The following KPNA7 variants were observed in gnomAD, a reference collection of about 807,000 sequenced individuals.
KPNA7 encodes the protein importin subunit alpha-8.
In KPNA7, 54 loss-of-function variants were observed where a neutral mutation model predicts 53.7. The observed-to-expected ratio is 1.01, with a 90% CI of 0.81 to 1.26. KPNA7 has a LOEUF of 1.26. Ranked by LOEUF, KPNA7 falls within the 50% of genes most tolerant of loss-of-function variation. The probability of loss-of-function intolerance (pLI) is 0.00; values close to 1 mark genes in which losing one functional copy is unlikely to be tolerated. For synonymous variants in KPNA7, 276 were observed against 259.3 expected, an observed-to-expected ratio of 1.06 and a Z score of -0.62; for missense variants, 640 against 644.5, an observed-to-expected ratio of 0.99 and a Z score of 0.07.
chr7:99,212,239 T>A (rs1791094565), upstream of KPNA7, among the ~76,000 whole-genome samples: 2 of 130,684 alleles, frequency 1.5e-5, no homozygotes, highest in Non-Finnish European at 3.3e-5. Context: ...TGTCCTTTTT[T>A]TTTTTTTTTT....
chr7:99,193,331 C>A (rs1208910680), intron 5 of KPNA7, among the ~76,000 whole-genome samples: 3 of 152,148 alleles, frequency 2.0e-5, no homozygotes, highest in Non-Finnish European at 4.4e-5. Context: ...AGAAGCAGAG[C>A]CAGCCAACTC....
chr7:99,186,045 G>C (rs569796447), intron 7 of KPNA7, among the ~76,000 whole-genome samples: 3 of 152,170 alleles, frequency 2.0e-5, no homozygotes, highest in East Asian at 1.9e-4. Context: ...TGCCTACCTC[G>C]GCCTCCCAAA....
the KPNA7 span, among the ~76,000 whole-genome samples, chr7:99,164,380 T>C: frequency 5.0e-4 from 76 of 151,616 alleles, no homozygotes; most frequent in African/African-American, 1.6e-3. Flanking sequence ...CAGCAAACTA[T>C]GGCAAGGACA....
chr7:99,217,619 C>CTTTTTTTTT lies in KPNA7; in HGVS notation c.-23-10139_-23-10131dup, dbSNP rs10616354. On this transcript the variant is annotated intron_variant, in intron 1 of 10. Coordinates refer to the KPNA7 transcript ENST00000681060. ...CCCAGGAACGGGGACTCCACCTTGC[C>CTTTTTTTTT]TTTTTTTTTTTTTTTTTTTTTTTTT... 3.5e-4 allele frequency among the ~76,000 whole-genome samples: 14 copies of CTTTTTTTTT among 39,850 alleles called. 2 individuals are homozygous for CTTTTTTTTT. Among genetic ancestry groups the CTTTTTTTTT allele is most frequent in the African/African-American group, 1.5e-3 (14 of 9,138 alleles). The allele number at this position is 39,850 out of a possible 152,430, so 26.1% of individuals were successfully genotyped here. A position where few individuals can be genotyped will look rare whatever the true frequency, so the allele number is the denominator to read the frequency against.
intron 7 of KPNA7, among the ~76,000 whole-genome samples, chr7:99,187,597 A>G (rs1012347291): frequency 7.5e-6 from 1 of 133,466 alleles, no homozygotes; most frequent in South Asian, 2.5e-4. Context: ...ACTGTCACCC[A>G]GGCTGGAGAG....
chr7:99,192,773 G>T (rs563042091), intron 6 of KPNA7, among the ~76,000 whole-genome samples: 1 of 152,002 alleles, frequency 6.6e-6, no homozygotes, highest in Non-Finnish European at 1.5e-5. Context: ...ATTGGATTTG[G>T]AAGTATGTCC....
intron 3 of KPNA7, among the ~76,000 whole-genome samples, chr7:99,196,464 A>G (rs1011382021): frequency 6.6e-6 from 1 of 152,198 alleles, no homozygotes; most frequent in Non-Finnish European, 1.5e-5. Context: ...GACTAAGGAC[A>G]TCCAAAAAAT....
intron 2 of KPNA7, among the ~76,000 whole-genome samples, chr7:99,205,683 C>G (rs951781630): frequency 3.9e-5 from 6 of 152,154 alleles, no homozygotes; most frequent in African/African-American, 1.4e-4. Flanking sequence ...AACCCTGTCT[C>G]CACTAAAAAT....
At chr7:99,206,705 C>T (rs1170976491) in intron 2 of KPNA7, among the ~76,000 whole-genome samples, 4 of 152,064 alleles carry the variant, frequency 2.6e-5, no homozygotes, top group East Asian at 3.9e-4. Context: ...TATCTTCAAG[C>T]GATCCTCCCA....
rs1288268853 is a variant in KPNA7, at chr7:99,217,571, G to A, written c.-23-10082C>T. ...AGGTAAAGTGTCCAGGGACAGGAGA[G>A]GACAGCCAGGGAGGAGAAAAGGCCC... On this transcript the variant is annotated intron_variant, in intron 1 of 10. Transcript: ENST00000681060. Among the ~76,000 whole-genome samples the A allele has an allele frequency of 3.3e-5, 5 of 150,554 alleles. No individual in the cohort carries two copies. In the South Asian group the frequency reaches 1.0e-3, roughly 32 times the overall value.
intron 1 of KPNA7, among the ~76,000 whole-genome samples, chr7:99,216,893 G>A (rs927095881): frequency 2.6e-5 from 4 of 152,202 alleles, no homozygotes; most frequent in African/African-American, 9.6e-5. Flanking sequence ...TCTGAGTAAG[G>A]GACCATTATG....
intron 4 of KPNA7, among the ~76,000 whole-genome samples, chr7:99,195,877 A>G: frequency 6.6e-6 from 1 of 152,218 alleles, no homozygotes; most frequent in Non-Finnish European, 1.5e-5. Flanking sequence ...TAAGCAATTC[A>G]TCTCTGACAA....
In KPNA7 at chr7:99,185,061, C is replaced by T; in HGVS notation, c.1002G>A (p.Leu334=). The T allele has an allele frequency of 6.4e-7, 1 of 1,551,936 alleles. No individual in the cohort carries two copies. The change falls in exon 8 of 11, where the codon CTG becomes CTA. Residue 334 remains leucine, a synonymous_variant. Transcript: ENST00000327442. Reference sequence around the variant, plus strand: ...TCTGGATGGAGGGCTTGTTGTGTTGCAGGAGCTGGGGGAGCACGTTCAGCA... The same window carrying T: ...TCTGGATGGAGGGCTTGTTGTGTTGTAGGAGCTGGGGGAGCACGTTCAGCA... ...AGMLNVLPQL[L]QHNKPSIQKE... is the part of the protein sequence containing the mutation.
intron 7 of KPNA7, among the ~76,000 whole-genome samples, chr7:99,186,164 GATA>G (rs1258146546): frequency 6.6e-6 from 1 of 152,144 alleles, no homozygotes; most frequent in Non-Finnish European, 1.5e-5. Flanking sequence ...TTTAATTGGA[GATA>G]ATGAGATCTC....
At chr7:99,199,794 G>C (rs1013740979) in intron 3 of KPNA7, among the ~76,000 whole-genome samples, 1 of 151,904 alleles carries the variant, frequency 6.6e-6, no homozygotes, top group Non-Finnish European at 1.5e-5. Context: ...AAAGTGAAAA[G>C]ACAACCCACA....
intron 4 of KPNA7, 76 bp downstream of exon 4, chr7:99,196,008 C>G: frequency 8.2e-7 from 1 of 1,222,792 alleles, no homozygotes; most frequent in Non-Finnish European, 1.2e-6. Flanking sequence ...ACCAAATAGG[C>G]CACCGGCGCT....
intron 9 of KPNA7, among the ~76,000 whole-genome samples, chr7:99,179,432 T>C (rs1172048075): frequency 6.6e-6 from 1 of 151,968 alleles, no homozygotes; most frequent in Non-Finnish European, 1.5e-5. Context: ...AGCACAAGCC[T>C]GTAATCCCAT....
chr7:99,172,206 T>C (rs1798782789), downstream of KPNA7, among the ~76,000 whole-genome samples: 1 of 152,180 alleles, frequency 6.6e-6, no homozygotes, highest in Non-Finnish European at 1.5e-5. Flanking sequence ...TCGAACATCG[T>C]CTTTAGATGT....
chr7:99,151,421 A>G, the KPNA7 span, among the ~76,000 whole-genome samples: 1 of 151,782 alleles, frequency 6.6e-6, no homozygotes, highest in Non-Finnish European at 1.5e-5. Context: ...TTTGTACTGT[A>G]GAATAGTAAG....
Sources: gnomAD v4.1 joint callset for allele counts (sites outside exome capture counted in the v4.1 genomes callset) on GRCh38, gnomAD v4.1.1 for gene constraint, MANE v1.5 for transcripts, NCBI Gene and HGNC (gene_info 2026-07-23, HGNC 2026-07-21) for gene names.